LAMB4: variants seen among roughly 807,000 people sequenced by gnomAD.
LAMB4 encodes the protein laminin subunit beta 4, also known as laminin subunit beta-4.
A neutral mutation model predicts 199.2 loss-of-function variants in LAMB4; 196 were observed. The observed-to-expected ratio is 0.98, with a 90% CI of 0.88 to 1.11. The LOEUF is 1.11. Ranked by LOEUF, LAMB4 falls within the 50% of genes least tolerant of loss-of-function variation. The probability of loss-of-function intolerance (pLI) is 0.00; values close to 1 mark genes in which losing one functional copy is unlikely to be tolerated. For synonymous variants in LAMB4, 744 were observed against 770.6 expected (o/e 0.97, Z 0.57); for missense variants, 2,080 against 2,171.2 (o/e 0.96, Z 0.83).
intron 12 of LAMB4, among the ~76,000 whole-genome samples, chr7:108,092,957 A>C (rs2037465719): frequency 6.6e-6 from 1 of 152,230 alleles, no homozygotes; most frequent in African/African-American, 2.4e-5. Context: ...TAATGTGTCA[A>C]GTGGAAAAGA....
the LAMB4 span, among the ~76,000 whole-genome samples, chr7:108,012,616 G>A: frequency 2.6e-5 from 4 of 152,202 alleles, no homozygotes; most frequent in Non-Finnish European, 4.4e-5. Context: ...TGAATGACAA[G>A]GCAAGCTCTT....
intron 12 of LAMB4, among the ~76,000 whole-genome samples, chr7:108,093,825 A>G (rs2037498754): frequency 1.3e-5 from 2 of 152,172 alleles, no homozygotes; most frequent in Admixed American, 6.5e-5. Context: ...TTTATGCATG[A>G]TTTTACTCAA....
chr7:108,113,629 T>C (rs2038307656), intron 3 of LAMB4, among the ~76,000 whole-genome samples: 1 of 152,214 alleles, frequency 6.6e-6, no homozygotes, highest in Non-Finnish European at 1.5e-5. Flanking sequence ...CCAATAATAC[T>C]ATGGAAATTA....
intron 12 of LAMB4, among the ~76,000 whole-genome samples, chr7:108,093,202 G>T (rs1299911847): frequency 1.3e-5 from 2 of 152,126 alleles, no homozygotes; most frequent in African/African-American, 4.8e-5. Context: ...GAGTAGCTGG[G>T]ATTACAGGCG....
downstream of LAMB4, among the ~76,000 whole-genome samples, chr7:108,020,981 G>T (rs1320606715): frequency 6.6e-6 from 1 of 152,166 alleles, no homozygotes; most frequent in Non-Finnish European, 1.5e-5. Flanking sequence ...ATGTGACTAG[G>T]ACCAGAGGGA....
intron 16 of LAMB4, 45 bp downstream of exon 16, chr7:108,078,156 A>G (rs2036776316): frequency 7.6e-7 from 1 of 1,311,734 alleles, no homozygotes; most frequent in African/African-American, 1.5e-5. Context: ...AAGTGAACAA[A>G]ATTCTAAGAA....
intron 21 of LAMB4, among the ~76,000 whole-genome samples, chr7:108,064,341 G>T (rs1291780148): frequency 6.6e-6 from 1 of 152,144 alleles, no homozygotes; most frequent in African/African-American, 2.4e-5. Context: ...GTCTCCTGGG[G>T]CAACCCACTC....
At chr7:108,052,328 C>T in intron 25 of LAMB4, 71 bp from the exon 26 acceptor site, 6 of 1,189,360 alleles carry the variant, frequency 5.0e-6, no homozygotes, top group Non-Finnish European at 6.8e-6. Flanking sequence ...AAAAATGCCA[C>T]CAAAATTGCC....
At chr7:108,125,490 A>G (rs1488694813) in intron 1 of LAMB4, among the ~76,000 whole-genome samples, 1 of 152,230 alleles carries the variant, frequency 6.6e-6, no homozygotes, top group Non-Finnish European at 1.5e-5. Flanking sequence ...ATTCAGTGAG[A>G]TGACAATCTC....
intron 26 of LAMB4, 118 bp from the exon 27 acceptor site, chr7:108,049,649 A>G (rs2035763626): frequency 3.5e-6 from 2 of 569,940 alleles, no homozygotes; most frequent in Non-Finnish European, 6.0e-6. Context: ...CTATCACCAT[A>G]AAATTTCAAC....
At chr7:108,058,591 C>T (rs980249725) in intron 23 of LAMB4, among the ~76,000 whole-genome samples, 6 of 152,160 alleles carry the variant, frequency 3.9e-5, no homozygotes, top group Admixed American at 6.5e-5. Flanking sequence ...ACAACAACTC[C>T]GTAAGTTTCC....
At chr7:108,086,978 T>G (rs1391704353) in intron 14 of LAMB4, among the ~76,000 whole-genome samples, 1 of 152,144 alleles carries the variant, frequency 6.6e-6, no homozygotes, top group Non-Finnish European at 1.5e-5. Context: ...GTCTCCTCTT[T>G]CAGGTGGACT....
rs770591915 is a variant in LAMB4 at position 108,095,358 on chromosome 7, A to G, written c.1361-21T>C. On this transcript the variant is annotated intron_variant, in intron 11 of 33. Coordinates refer to ENST00000388781, the MANE Select transcript of LAMB4 (RefSeq NM_007356.3). ...GCAGGCTGAAAGCACAGCATACACA[A>G]TTATTCTCATTCTTAATTCCTCCAC... The G allele has an allele frequency of 2.6e-6, 4 of 1,518,564 alleles. No individual in the cohort carries two copies. In the South Asian group the frequency reaches 3.4e-5, roughly 13 times the overall value. 94.1% of individuals were successfully genotyped at this position (1,518,564 alleles called of 1,614,324 possible).
chr7:108,079,712 T>C lies in LAMB4; in HGVS notation c.1776A>G (p.Thr592=), dbSNP rs142114316. ...CCCTGGCAAATCCAGGTCCAGTCCA[T>C]GTAACAGGGTTCCCAGGAACTGGCT... ...LGEPVPGNPV[T]WTGPGFARVL... Residue 592 remains threonine (T), a synonymous_variant, in exon 15 of 34, where the codon ACA becomes ACG. Transcript: ENST00000388781. 91 of 1,612,044 alleles carry C rather than the reference T, an allele frequency of 5.6e-5. No homozygotes were observed. The African/African-American group carries it at 1.1e-3, about 19-fold the overall frequency.
At chr7:108,054,579 G>A (rs768435823) in intron 25 of LAMB4, among the ~76,000 whole-genome samples, 3 of 152,146 alleles carry the variant, frequency 2.0e-5, no homozygotes, top group Non-Finnish European at 4.4e-5. Context: ...TTAGCAGACT[G>A]TGTGCTTCTA....
chr7:108,063,737 C>T, intron 22 of LAMB4, 24 bp downstream of exon 22: 1 of 1,586,276 alleles, frequency 6.3e-7, no homozygotes, highest in Non-Finnish European at 8.7e-7. Flanking sequence ...GACACATTTC[C>T]CCCTGGGAGT....
the LAMB4 span, among the ~76,000 whole-genome samples, chr7:108,018,030 A>G: frequency 6.6e-6 from 1 of 152,248 alleles, no homozygotes; most frequent in Non-Finnish European, 1.5e-5. Flanking sequence ...CCCATGCAGC[A>G]GGGCATAGAG....
At chr7:108,024,804 C>G (rs933210692) in intron 33 of LAMB4, among the ~76,000 whole-genome samples, 1 of 152,044 alleles carries the variant, frequency 6.6e-6, no homozygotes, top group Non-Finnish European at 1.5e-5. Flanking sequence ...CTTCATTCAA[C>G]AAATATCTGG....
intron 3 of LAMB4, among the ~76,000 whole-genome samples, chr7:108,112,556 G>A (rs554617775): frequency 1.3e-5 from 2 of 152,182 alleles, no homozygotes; most frequent in African/African-American, 4.8e-5. Context: ...GCCTCCGAAA[G>A]TGATGAGATT....
Sources: allele counts gnomAD v4.1 joint callset (sites outside exome capture counted in the v4.1 genomes callset), GRCh38; gene constraint gnomAD v4.1.1; transcripts MANE v1.5; gene names NCBI Gene and HGNC (gene_info 2026-07-23, HGNC 2026-07-21).